ITGA11: variants seen among roughly 807,000 people sequenced by gnomAD.
ITGA11 encodes integrin subunit alpha 11.
A neutral mutation model predicts 141.9 loss-of-function variants in ITGA11; 97 were observed. That is an observed-to-expected ratio of 0.68 (90% CI 0.58 to 0.81). The LOEUF (loss-of-function observed/expected upper bound fraction) is 0.81. ITGA11 is among the 30% of genes least tolerant of loss of function. The pLI, the probability that ITGA11 is intolerant of heterozygous loss-of-function variation, is 0.00. For missense variants in ITGA11, 1,387 were observed against 1,559.2 expected (o/e 0.89, Z 1.86); for synonymous variants, 658 against 624.6 (o/e 1.05, Z -0.80).
At chr15:68,376,810 A>C (rs114122882) in intron 2 of ITGA11, among the ~76,000 whole-genome samples, 7,163 of 152,298 alleles carry the variant, frequency 0.047, 523 homozygotes, top group African/African-American at 0.16. Context: ...TGGTTTCCAC[A>C]CTTGCTGGTC....
intron 1 of ITGA11, among the ~76,000 whole-genome samples, chr15:68,422,972 C>T (rs1375330000): frequency 1.3e-5 from 2 of 152,194 alleles, no homozygotes; most frequent in Non-Finnish European, 1.5e-5. Context: ...TCTTTTATCC[C>T]CCAGAGCATC....
In ITGA11 at chr15:68,331,852, GC is replaced by G. The variant is rs1894170300; in HGVS notation, c.1770+6del. On this transcript the variant is annotated splice_donor_region_variant and intron_variant, in intron 14 of 29. Coordinates refer to ENST00000315757, the MANE Select transcript of ITGA11 (RefSeq NM_001004439.2). ...TTGCTCCATCCGCTTCCCCAGGGAA[GC>G]CTGACCTGCTTAGGTGTCTTCAGGA... 18 of 1,608,538 alleles carry G rather than the reference GC, an allele frequency of 1.1e-5. No individual in the cohort carries two copies. The highest frequency in any genetic ancestry group is 1.5e-5 in the Non-Finnish European group (18 of 1,177,490).
chr15:68,396,201 G>C (rs1048115360), intron 2 of ITGA11, among the ~76,000 whole-genome samples: 1 of 151,944 alleles, frequency 6.6e-6, no homozygotes, highest in Non-Finnish European at 1.5e-5. Flanking sequence ...ACCAAATGAG[G>C]TTTATCCCAG....
intron 1 of ITGA11, among the ~76,000 whole-genome samples, chr15:68,411,492 G>T (rs1236929224): frequency 6.6e-6 from 1 of 152,166 alleles, no homozygotes; most frequent in Non-Finnish European, 1.5e-5. Context: ...AGTCCCAAGG[G>T]CTTAAAAGTC....
At chr15:68,390,374 G>T (rs1432113792) in intron 2 of ITGA11, among the ~76,000 whole-genome samples, 1 of 152,180 alleles carries the variant, frequency 6.6e-6, no homozygotes, top group Admixed American at 6.5e-5. Flanking sequence ...GGAGTCAGCG[G>T]TGGATTCTTC....
At chr15:68,377,201 T>C (rs1159664731) in intron 2 of ITGA11, among the ~76,000 whole-genome samples, 2 of 152,240 alleles carry the variant, frequency 1.3e-5, no homozygotes, top group East Asian at 3.8e-4. Context: ...AAACTGTGAT[T>C]CTTTGTGTAT....
chr15:68,328,320 G>C lies in ITGA11; in HGVS notation c.1902-58C>G. 6.6e-7 allele frequency: 1 copy of C among 1,507,444 alleles called. No homozygotes were observed. Among genetic ancestry groups the C allele is most frequent in the Non-Finnish European group, 9.1e-7 (1 of 1,102,658 alleles). 93.4% of individuals were successfully genotyped at this position (1,507,444 alleles called of 1,614,324 possible). On this transcript the variant is annotated intron_variant, in intron 15 of 29. Transcript: ENST00000315757. This position sits in a 1 kb window ranked among gnomAD's most constrained non-coding sequence, Gnocchi z 4.8. ...GCAGGGGCTCAGGCTGCCCTGCTGT[G>C]ACCATGGGGAAAGACAAGAACCAGA...
intron 7 of ITGA11, 70 bp from the exon 8 acceptor site, chr15:68,351,472 A>C: frequency 2.6e-6 from 4 of 1,534,140 alleles, no homozygotes; most frequent in Non-Finnish European, 3.5e-6. Flanking sequence ...ACGCTCCTGC[A>C]GAGGGGCAGC....
At chr15:68,392,606 T>C (rs1269032950) in intron 2 of ITGA11, among the ~76,000 whole-genome samples, 1 of 152,184 alleles carries the variant, frequency 6.6e-6, no homozygotes, top group African/African-American at 2.4e-5. Flanking sequence ...AAGCTGTGTA[T>C]GCATAGTATG....
Position 68,330,971 on chromosome 15 carries a change from G to A in ITGA11, c.1901+10C>T. ...AGAGCCCAGGAGGTGGGAACAGCGG[G>A]GGAACCAACCACAGAATCACAGCGT... On this transcript the variant is annotated intron_variant, in intron 15 of 29. Coordinates refer to ENST00000315757, the MANE Select transcript of ITGA11 (RefSeq NM_001004439.2). The A allele has an allele frequency of 6.2e-7, 1 of 1,613,344 alleles. No individual in the cohort carries two copies. The highest frequency in any genetic ancestry group is 8.5e-7 in the Non-Finnish European group (1 of 1,179,428).
rs1002527091 is a variant in ITGA11 at position 68,324,582 on chromosome 15, C to T, written c.2322+549G>A. ...GAGCATTTGAATGTTAGATGTCAAA[C>T]ATTTTGGATGCCCCAGAGCCAGGGA... On this transcript the variant is annotated intron_variant, in intron 18 of 29. Coordinates refer to ENST00000315757, the MANE Select transcript of ITGA11 (RefSeq NM_001004439.2). This position sits in a 1 kb window ranked among gnomAD's most constrained non-coding sequence, Gnocchi z 6.3. Among the ~76,000 whole-genome samples, 84 of 152,196 alleles carry T rather than the reference C, an allele frequency of 5.5e-4. No individual in the cohort carries two copies. The highest frequency in any genetic ancestry group is 1.9e-3 in the African/African-American group (80 of 41,506).
chr15:68,375,939 A>G (rs571040417), intron 2 of ITGA11, among the ~76,000 whole-genome samples: 77 of 152,170 alleles, frequency 5.1e-4, no homozygotes, highest in Admixed American at 1.6e-3. Flanking sequence ...GAAGGGCAGA[A>G]CAGAACAAAA....
chr15:68,332,571 T>C, intron 12 of ITGA11, 93 bp from the exon 13 acceptor site: 2 of 1,427,244 alleles, frequency 1.4e-6, no homozygotes, highest in East Asian at 2.5e-5. Flanking sequence ...GCCAAGGTCA[T>C]CCTTTGACTC....
chr15:68,355,799 C>T (rs941980109), intron 7 of ITGA11, among the ~76,000 whole-genome samples: 6 of 152,088 alleles, frequency 3.9e-5, no homozygotes, highest in African/African-American at 1.4e-4. Context: ...TCAACTAACC[C>T]TACCTAAGGT....
At position 68,336,664 on chromosome 15, in the gene ITGA11, A is replaced by G. The variant is rs191062331; in HGVS notation, c.1277-819T>C. Among the ~76,000 whole-genome samples, 19 of 152,236 alleles carry G rather than the reference A, an allele frequency of 1.2e-4. No homozygotes were observed. The East Asian group carries it at 3.7e-3, about 29-fold the overall frequency. ...AAAGCCGATGGCATCCTAGAATTCC[A>G]CTTTCTGCCAGATAATCTTGGATCC... On this transcript the variant is annotated intron_variant, in intron 11 of 29. Transcript: ENST00000315757.
At chr15:68,330,688 C>T (rs1454577420) in intron 15 of ITGA11, among the ~76,000 whole-genome samples, 1 of 152,106 alleles carries the variant, frequency 6.6e-6, no homozygotes, top group African/African-American at 2.4e-5. Context: ...GCTCAACTTG[C>T]CCCTGCGAGT....
intron 13 of ITGA11, 137 bp from the exon 14 acceptor site, chr15:68,332,199 G>T: frequency 7.9e-7 from 1 of 1,260,446 alleles, no homozygotes; most frequent in Non-Finnish European, 1.1e-6. Context: ...TATGAACCCA[G>T]CCACAGAGGA....
At chr15:68,381,009 A>G (rs1895849154) in intron 2 of ITGA11, among the ~76,000 whole-genome samples, 1 of 152,132 alleles carries the variant, frequency 6.6e-6, no homozygotes, top group Admixed American at 6.5e-5. Flanking sequence ...ACTTCTTGCC[A>G]TTGGTCATCC....
chr15:68,377,853 G>C (rs1429442974), intron 2 of ITGA11, among the ~76,000 whole-genome samples: 1 of 152,164 alleles, frequency 6.6e-6, no homozygotes, highest in Non-Finnish European at 1.5e-5. Flanking sequence ...CCTTCCTATG[G>C]GGTGAGGAGT....
Sources: gnomAD v4.1 joint callset for allele counts (sites outside exome capture counted in the v4.1 genomes callset) on GRCh38, gnomAD v4.1.1 for gene constraint, Gnocchi (gnomAD v3.1) non-coding constraint, MANE v1.5 for transcripts, NCBI Gene and HGNC (gene_info 2026-07-23, HGNC 2026-07-21) for gene names.